The following SCML4 variants were observed in gnomAD, a reference collection of about 807,000 sequenced individuals.
SCML4 encodes Scm polycomb group protein like 4, also known as sex comb on midleg-like protein 4.
In SCML4, 34 loss-of-function variants were observed where a neutral mutation model predicts 41.1. The observed-to-expected ratio is 0.83, with a 90% CI of 0.63 to 1.10. The LOEUF (loss-of-function observed/expected upper bound fraction) is 1.10. SCML4 is among the 50% of genes least tolerant of loss of function. The pLI is 0.00. For missense variants in SCML4, 522 were observed against 534.1 expected (o/e 0.98, Z 0.22); for synonymous variants, 214 against 220.9 (o/e 0.97, Z 0.28).
chr6:107,830,404 C>G, the SCML4 span, among the ~76,000 whole-genome samples: 11 of 152,252 alleles, frequency 7.2e-5, no homozygotes, highest in South Asian at 2.3e-3. Context: ...CCCAGAGACC[C>G]TTATCCCAGG....
At chr6:107,773,376 G>C (rs1366029032) in intron 1 of SCML4, among the ~76,000 whole-genome samples, 3 of 152,086 alleles carry the variant, frequency 2.0e-5, no homozygotes, top group Non-Finnish European at 4.4e-5. Context: ...TGGATCACTT[G>C]AGCCTAGGAG....
intron 2 of SCML4, among the ~76,000 whole-genome samples, chr6:107,766,753 CA>C (rs1347874600): frequency 6.6e-6 from 1 of 152,166 alleles, no homozygotes; most frequent in Non-Finnish European, 1.5e-5. Flanking sequence ...ACAGAAGACT[CA>C]GGGGATACAG....
intron 2 of SCML4, among the ~76,000 whole-genome samples, chr6:107,752,757 T>C (rs973524520): frequency 8.5e-5 from 13 of 152,066 alleles, no homozygotes; most frequent in African/African-American, 3.1e-4. Context: ...TAAGAATAAA[T>C]CTTTGCCCTC....
intron 2 of SCML4, among the ~76,000 whole-genome samples, chr6:107,763,927 C>T (rs1397447827): frequency 6.6e-6 from 1 of 152,260 alleles, no homozygotes; most frequent in Non-Finnish European, 1.5e-5. Flanking sequence ...CTCCCCACCT[C>T]TATTTAAGGA....
At chr6:107,828,540 A>G (rs369282732), upstream of SCML4, among the ~76,000 whole-genome samples, 2 of 152,290 alleles carry the variant, frequency 1.3e-5, no homozygotes, top group East Asian at 3.9e-4. Context: ...AGAGCTTTGG[A>G]TATCAATTTG....
intron 1 of SCML4, among the ~76,000 whole-genome samples, chr6:107,810,565 G>A (rs1784083126): frequency 6.6e-6 from 1 of 152,128 alleles, no homozygotes; most frequent in African/African-American, 2.4e-5. Flanking sequence ...GAAGTCCCTT[G>A]GCTATCTGGA....
At chr6:107,815,007 G>A (rs114416790) in intron 1 of SCML4, among the ~76,000 whole-genome samples, 1,733 of 152,246 alleles carry the variant, frequency 0.011, 29 homozygotes, top group African/African-American at 0.039. Context: ...GAATGTTAAG[G>A]GCACCCCAAA....
intron 1 of SCML4, among the ~76,000 whole-genome samples, chr6:107,802,390 C>G (rs1276182362): frequency 3.9e-5 from 6 of 152,036 alleles, no homozygotes; most frequent in African/African-American, 1.2e-4. Context: ...GAGTGAAAAA[C>G]ATTCCAGGCA....
At chr6:107,831,716 C>T in the SCML4 span, among the ~76,000 whole-genome samples, 1 of 152,080 alleles carries the variant, frequency 6.6e-6, no homozygotes, top group African/African-American at 2.4e-5. Context: ...GTCAGGAGTT[C>T]GAGACCATCC....
chr6:107,750,150 G>T (rs75438373), intron 2 of SCML4, among the ~76,000 whole-genome samples: 6 of 152,222 alleles, frequency 3.9e-5, no homozygotes, highest in Non-Finnish European at 8.8e-5. Flanking sequence ...CCAGCCTGCA[G>T]CCCATGTGTT....
chr6:107,748,814 C>T (rs1363212587), intron 3 of SCML4, among the ~76,000 whole-genome samples: 1 of 152,126 alleles, frequency 6.6e-6, no homozygotes, highest in African/African-American at 2.4e-5. Context: ...ATCTGGGGGA[C>T]CCTGGCAGGA....
chr6:107,769,159 T>A (rs1015563705), intron 2 of SCML4, among the ~76,000 whole-genome samples: 1 of 152,206 alleles, frequency 6.6e-6, no homozygotes, highest in East Asian at 1.9e-4. Flanking sequence ...TTCAGAGGTT[T>A]TGCTTTCTTT....
rs575467489 is a variant in SCML4, at chr6:107,821,515, A to T, written c.-60+2611T>A. 3.3e-5 allele frequency among the ~76,000 whole-genome samples: 5 copies of T among 152,340 alleles called. No homozygotes were observed. The East Asian group carries it at 9.6e-4, about 29-fold the overall frequency. On this transcript the variant is annotated intron_variant, in intron 1 of 7. Coordinates refer to ENST00000369020, the MANE Select transcript of SCML4 (RefSeq NM_198081.5). ...AACTTCATCCACAAAATGTTAGACA[A>T]GATTTTACGCTCCATGATAATCAGA...
chr6:107,739,994 G>T (rs2114478555), intron 5 of SCML4: 1 of 385,700 alleles, frequency 2.6e-6, no homozygotes, highest in Non-Finnish European at 5.1e-6. Flanking sequence ...GTGCCACAAG[G>T]TTGGATAATT....
chr6:107,739,652 A>C (rs1259665446), intron 5 of SCML4, among the ~76,000 whole-genome samples: 1 of 152,214 alleles, frequency 6.6e-6, no homozygotes, highest in Non-Finnish European at 1.5e-5. Context: ...CTCAAACAAA[A>C]AAAAACCTCC....
chr6:107,709,900 G>A (rs543638497), intron 6 of SCML4, among the ~76,000 whole-genome samples: 3 of 152,102 alleles, frequency 2.0e-5, no homozygotes, highest in East Asian at 3.9e-4. Flanking sequence ...AGTAGAGATG[G>A]GGTTTCACCA....
intron 1 of SCML4, among the ~76,000 whole-genome samples, chr6:107,791,364 T>C (rs1319747253): frequency 1.3e-5 from 2 of 152,138 alleles, no homozygotes; most frequent in Non-Finnish European, 2.9e-5. Flanking sequence ...CTCATCACTT[T>C]AATGAGCCCA....
At chr6:107,735,001 G>A (rs778877303) in intron 5 of SCML4, among the ~76,000 whole-genome samples, 18 of 151,972 alleles carry the variant, frequency 1.2e-4, no homozygotes, top group Non-Finnish European at 2.2e-4. Context: ...TCAGCCTCCC[G>A]AGTAACTGTG....
intron 1 of SCML4, among the ~76,000 whole-genome samples, chr6:107,774,946 G>C (rs1329612685): frequency 6.6e-6 from 1 of 151,218 alleles, no homozygotes; most frequent in African/African-American, 2.4e-5. Context: ...AGTGAGCTAA[G>C]ATCGCGCCAC....
Sources: allele counts gnomAD v4.1 joint callset (sites outside exome capture counted in the v4.1 genomes callset), GRCh38; gene constraint gnomAD v4.1.1; transcripts MANE v1.5; gene names NCBI Gene and HGNC (gene_info 2026-07-23, HGNC 2026-07-21).